The following AOAH variants were observed in gnomAD, a reference collection of about 807,000 sequenced individuals.
AOAH encodes acyloxyacyl hydrolase.
Under a neutral mutation model 92.2 loss-of-function variants are expected in AOAH, and 64 were observed. The ratio of observed to expected loss-of-function variants is 0.69; its 90% confidence interval spans 0.57 to 0.86. The LOEUF is 0.86. AOAH is among the 40% of genes least tolerant of loss of function. The pLI is 0.00. For synonymous variants in AOAH, 263 were observed against 254.5 expected, an observed-to-expected ratio of 1.03 and a Z score of -0.32; for missense variants, 656 against 694.6, an observed-to-expected ratio of 0.94 and a Z score of 0.62.
chr7:36,670,938 G>A (rs979367384), intron 3 of AOAH, among the ~76,000 whole-genome samples: 2 of 152,090 alleles, frequency 1.3e-5, no homozygotes, highest in Non-Finnish European at 2.9e-5. Context: ...GTACAGAAGA[G>A]CAAGTTGTGT....
rs367996605 is a variant in AOAH, at chr7:36,614,081, T to G, written c.846+2299A>C. 3.0e-4 allele frequency among the ~76,000 whole-genome samples: 45 copies of G among 152,346 alleles called. 1 individual carries two copies. The East Asian group carries it at 5.6e-3, about 19-fold the overall frequency. On this transcript the variant is annotated intron_variant, in intron 11 of 20. Coordinates refer to ENST00000617537, the MANE Select transcript of AOAH (RefSeq NM_001637.4). This position sits in a 1 kb window ranked among gnomAD's most constrained non-coding sequence, Gnocchi z 4.2. ...GCGGGTTAATTTCTCTGGATCAGTT[T>G]CAGTTTTCTGGGAGAGGGAAGAGGG... is the stretch of plus-strand genomic sequence containing the variant.
At chr7:36,656,183 AT>A (rs1358095780) in intron 4 of AOAH, among the ~76,000 whole-genome samples, 1 of 152,224 alleles carries the variant, frequency 6.6e-6, no homozygotes, top group Non-Finnish European at 1.5e-5. Flanking sequence ...CAGGAGCTAC[AT>A]CAAAAGATGA....
At chr7:36,709,061 G>A (rs746671195) in intron 1 of AOAH, among the ~76,000 whole-genome samples, 1 of 151,990 alleles carries the variant, frequency 6.6e-6, no homozygotes, top group Non-Finnish European at 1.5e-5. Context: ...AATCAACTAG[G>A]GATATGTAGA....
chr7:36,535,930 G>A (rs1185200210), intron 16 of AOAH, among the ~76,000 whole-genome samples: 1 of 152,196 alleles, frequency 6.6e-6, no homozygotes, highest in Non-Finnish European at 1.5e-5. Context: ...TTGCTGTCTG[G>A]TAATTCCTCA....
chr7:36,577,473 C>T (rs1261211524), intron 12 of AOAH, among the ~76,000 whole-genome samples: 1 of 152,152 alleles, frequency 6.6e-6, no homozygotes, highest in Non-Finnish European at 1.5e-5. Flanking sequence ...TTCCAGACTG[C>T]ACATTTTCTA....
chr7:36,646,942 A>T (rs918075783), intron 4 of AOAH, among the ~76,000 whole-genome samples: 3 of 152,260 alleles, frequency 2.0e-5, no homozygotes, highest in African/African-American at 7.2e-5. Context: ...AGACACAGTT[A>T]CGAGGGACTT....
At chr7:36,622,678 G>T (rs1237504923) in intron 7 of AOAH, among the ~76,000 whole-genome samples, 1 of 152,186 alleles carries the variant, frequency 6.6e-6, no homozygotes, top group African/African-American at 2.4e-5. Context: ...GCTGGGAATG[G>T]CAACAAAACC....
intron 13 of AOAH, among the ~76,000 whole-genome samples, chr7:36,561,949 T>C (rs1787301393): frequency 6.6e-6 from 1 of 152,166 alleles, no homozygotes; most frequent in Non-Finnish European, 1.5e-5. Flanking sequence ...GAAAAATTTT[T>C]GAAAAGCAAT....
intron 3 of AOAH, among the ~76,000 whole-genome samples, chr7:36,670,348 A>G (rs1795840402): frequency 1.3e-5 from 2 of 152,218 alleles, no homozygotes; most frequent in South Asian, 4.1e-4. Context: ...TCAGCTCACA[A>G]CTAATACACA....
At chr7:36,534,912 CTCTG>C (rs368837000) in intron 16 of AOAH, among the ~76,000 whole-genome samples, 161 of 151,066 alleles carry the variant, frequency 1.1e-3, no homozygotes, top group East Asian at 4.9e-3. Context: ...GTGTCTGTGT[CTCTG>C]TCTGTCTGTG....
chr7:36,617,797 C>A (rs1691982212), intron 10 of AOAH, among the ~76,000 whole-genome samples: 1 of 152,222 alleles, frequency 6.6e-6, no homozygotes, highest in African/African-American at 2.4e-5. Context: ...TTTTGCCCAG[C>A]TATTTTTGGG....
At chr7:36,705,578 A>T (rs1389412038) in intron 1 of AOAH, among the ~76,000 whole-genome samples, 2 of 152,210 alleles carry the variant, frequency 1.3e-5, no homozygotes, top group African/African-American at 4.8e-5. Flanking sequence ...TTACAGATTC[A>T]ATGCTATTCC....
At chr7:36,654,374 T>C (rs1355225013) in intron 4 of AOAH, among the ~76,000 whole-genome samples, 1 of 152,186 alleles carries the variant, frequency 6.6e-6, no homozygotes, top group Non-Finnish European at 1.5e-5. Flanking sequence ...CTTTAATTAG[T>C]TATGGATGAA....
At chr7:36,715,205 G>T (rs913383459) in intron 1 of AOAH, among the ~76,000 whole-genome samples, 1 of 152,066 alleles carries the variant, frequency 6.6e-6, no homozygotes, top group African/African-American at 2.4e-5. Context: ...GCCAAATCAT[G>T]AGTGAACTCC....
rs370601015 is a variant in AOAH, at chr7:36,561,587, C to T, written c.1022-12112G>A. Among the ~76,000 whole-genome samples, 42 of 152,214 alleles carry T rather than the reference C, an allele frequency of 2.8e-4. 1 individual carries two copies. In the East Asian group the frequency reaches 5.8e-3, roughly 21 times the overall value. ...CGGTGGCACACGCATCGGCTGGGCC[C>T]TTCATTCAGTTCCAGTCCGGTGACT... On this transcript the variant is annotated intron_variant, in intron 13 of 20. Coordinates refer to ENST00000617537, the MANE Select transcript of AOAH (RefSeq NM_001637.4).
At chr7:36,569,739 T>G (rs1047999661) in intron 13 of AOAH, among the ~76,000 whole-genome samples, 1 of 151,928 alleles carries the variant, frequency 6.6e-6, no homozygotes. Flanking sequence ...GCCTCCTGAG[T>G]AGCTGGGATT....
chr7:36,699,637 GTT>G (rs377319409), intron 1 of AOAH, among the ~76,000 whole-genome samples: 10,466 of 134,376 alleles, frequency 0.078, 777 homozygotes, highest in African/African-American at 0.2. Flanking sequence ...TGGATTATTT[GTT>G]TTTTTTTTTT....
chr7:36,716,054 G>C lies in AOAH; in HGVS notation c.127+7968C>G, dbSNP rs985845961. Among the ~76,000 whole-genome samples the C allele has an allele frequency of 1.1e-4, 17 of 152,076 alleles. No individual in the cohort carries two copies. The East Asian group carries it at 2.9e-3, about 26-fold the overall frequency. On this transcript the variant is annotated intron_variant, in intron 1 of 20. Transcript: ENST00000617537. Reference sequence around the variant, plus strand: ...TGAACAGGCAACCTACAGAATGGGAGAAAATTTTTGCAACCTACTCATCTG... The same window carrying C: ...TGAACAGGCAACCTACAGAATGGGACAAAATTTTTGCAACCTACTCATCTG...
Position 36,517,206 on chromosome 7 carries a change from C to CTT in AOAH, c.1600-3828_1600-3827dup, listed in dbSNP as rs144308019. 2.3e-4 allele frequency among the ~76,000 whole-genome samples: 11 copies of CTT among 47,242 alleles called. No homozygotes were observed. The East Asian group carries it at 0.011, about 49-fold the overall frequency. 31.0% of individuals were successfully genotyped at this position (47,242 alleles called of 152,430 possible). The stretch of plus-strand genomic sequence containing the variant: ...TCTTTCTTTCTTTCTTTCTTTCTTT[C>CTT]TTTCTTTCTCTTTCTTTCTGTCTCT... On this transcript the variant is annotated intron_variant, in intron 20 of 20. Transcript: ENST00000617537.
Sources: gnomAD v4.1 joint callset for allele counts (sites outside exome capture counted in the v4.1 genomes callset) on GRCh38, gnomAD v4.1.1 for gene constraint, Gnocchi (gnomAD v3.1) non-coding constraint, MANE v1.5 for transcripts, NCBI Gene and HGNC (gene_info 2026-07-23, HGNC 2026-07-21) for gene names.